The following WWOX variants were observed in gnomAD, a reference collection of about 807,000 sequenced individuals.
WWOX encodes WW domain containing oxidoreductase, also known as WW domain-containing oxidoreductase.
A neutral mutation model predicts 46.2 loss-of-function variants in WWOX; 69 were observed. That is an observed-to-expected ratio of 1.49 (90% CI 1.23 to 1.82). The LOEUF (loss-of-function observed/expected upper bound fraction) is 1.82, where lower values mean the gene tolerates loss of function less well. Ranked by LOEUF, WWOX falls within the 40% of genes most tolerant of loss-of-function variation. WWOX has a pLI of 0.00. For synonymous variants in WWOX, 359 were observed against 202.6 expected (o/e 1.77, Z -6.56); for missense variants, 919 against 542.6 (o/e 1.69, Z -6.89).
rs531037717 is a variant in WWOX, at chr16:78,374,123, A to C, written c.517-12737A>C. 5.3e-5 allele frequency among the ~76,000 whole-genome samples: 8 copies of C among 152,248 alleles called. No individual in the cohort carries two copies. The East Asian group carries it at 1.5e-3, about 29-fold the overall frequency. ...TTTGGAATTGATAGAATTTCTTTTT[A>C]TCTGAGTTACTCCATACATCATTTT... On this transcript the variant is annotated intron_variant, in intron 5 of 8. Transcript: ENST00000566780.
intron 5 of WWOX, among the ~76,000 whole-genome samples, chr16:78,311,079 G>T (rs1405898828): frequency 1.3e-5 from 2 of 152,176 alleles, no homozygotes; most frequent in Non-Finnish European, 2.9e-5. Flanking sequence ...GAAGCTATGG[G>T]GTACAGATGT....
chr16:79,126,779 T>G (rs2150687036), intron 8 of WWOX, among the ~76,000 whole-genome samples: 1 of 152,216 alleles, frequency 6.6e-6, no homozygotes, highest in Admixed American at 6.5e-5. Context: ...CCAGCCTACA[T>G]AAATTTAGAC....
At chr16:78,364,007 A>C (rs560677397) in intron 5 of WWOX, among the ~76,000 whole-genome samples, 2 of 152,314 alleles carry the variant, frequency 1.3e-5, no homozygotes, top group African/African-American at 2.4e-5. Flanking sequence ...AAAACAATTT[A>C]ATAAATGCTT....
chr16:78,787,616 A>G (rs146618866), intron 8 of WWOX, among the ~76,000 whole-genome samples: 104 of 152,290 alleles, frequency 6.8e-4, no homozygotes, highest in South Asian at 1.7e-3. Flanking sequence ...TTATGCTGCT[A>G]TGATCATACA....
At chr16:78,120,703 G>T (rs1052842212) in intron 4 of WWOX, among the ~76,000 whole-genome samples, 2 of 152,118 alleles carry the variant, frequency 1.3e-5, no homozygotes, top group African/African-American at 2.4e-5. Flanking sequence ...TAAATCATGT[G>T]TTGAAATTAC....
chr16:78,933,011 C>T (rs1397956479), intron 8 of WWOX, among the ~76,000 whole-genome samples: 1 of 152,230 alleles, frequency 6.6e-6, no homozygotes, highest in Non-Finnish European at 1.5e-5. Flanking sequence ...GAATTAGACT[C>T]ACCCAGACTC....
At chr16:78,502,861 C>A (rs1170051056) in intron 8 of WWOX, among the ~76,000 whole-genome samples, 2 of 152,146 alleles carry the variant, frequency 1.3e-5, no homozygotes, top group African/African-American at 4.8e-5. Context: ...AATGGCTGAG[C>A]TCCTCCTTAG....
chr16:78,857,720 A>G (rs1467445844), intron 8 of WWOX, among the ~76,000 whole-genome samples: 5 of 152,240 alleles, frequency 3.3e-5, no homozygotes, highest in Admixed American at 1.3e-4. Context: ...TAGTAGTAAC[A>G]TTATAATAAA....
chr16:79,177,686 A>G (rs1265275451), intron 8 of WWOX, among the ~76,000 whole-genome samples: 1 of 152,180 alleles, frequency 6.6e-6, no homozygotes, highest in Non-Finnish European at 1.5e-5. Context: ...CTTGGCACTT[A>G]CATTTGAGCC....
chr16:78,949,933 A>G (rs142540560), intron 8 of WWOX, among the ~76,000 whole-genome samples: 286 of 152,276 alleles, frequency 1.9e-3, no homozygotes, highest in African/African-American at 6.4e-3. Context: ...TATTCCAGGT[A>G]AAGGATATGT....
chr16:78,372,149 G>T (rs534224684), intron 5 of WWOX, among the ~76,000 whole-genome samples: 1 of 152,182 alleles, frequency 6.6e-6, no homozygotes, highest in African/African-American at 2.4e-5. Flanking sequence ...TGAACAGCTG[G>T]TAGTCTCCAT....
intron 8 of WWOX, among the ~76,000 whole-genome samples, chr16:78,673,319 T>C (rs533194341): frequency 1.3e-5 from 2 of 152,224 alleles, no homozygotes; most frequent in African/African-American, 4.8e-5. Flanking sequence ...CCCAGTCTCT[T>C]TCTCTGAGTA....
intron 8 of WWOX, among the ~76,000 whole-genome samples, chr16:78,950,808 G>A (rs899612003): frequency 3.3e-5 from 5 of 152,134 alleles, no homozygotes; most frequent in Non-Finnish European, 4.4e-5. Flanking sequence ...CTTGAAGGTT[G>A]GCACCTTTGG....
intron 8 of WWOX, among the ~76,000 whole-genome samples, chr16:78,909,654 T>A (rs1189686167): frequency 6.6e-6 from 1 of 152,220 alleles, no homozygotes; most frequent in Non-Finnish European, 1.5e-5. Context: ...TTTCATTCCC[T>A]GACCTCTGTG....
chr16:78,502,404 A>G (rs1158012673), intron 8 of WWOX, among the ~76,000 whole-genome samples: 2 of 152,146 alleles, frequency 1.3e-5, no homozygotes, highest in Admixed American at 6.5e-5. Context: ...GGATTTACCT[A>G]TTCTGCGTAC....
intron 8 of WWOX, among the ~76,000 whole-genome samples, chr16:78,843,350 C>T (rs2052211255): frequency 6.7e-6 from 1 of 150,142 alleles, no homozygotes; most frequent in African/African-American, 2.4e-5. Context: ...CCATGTCCAA[C>T]CCAATCTGGA....
intron 8 of WWOX, among the ~76,000 whole-genome samples, chr16:78,995,689 G>A (rs1330360191): frequency 6.6e-6 from 1 of 152,150 alleles, no homozygotes; most frequent in Non-Finnish European, 1.5e-5. Context: ...TTGATTCTCA[G>A]GACTGGTAAA....
At chr16:79,015,708 A>G (rs755364199) in intron 8 of WWOX, among the ~76,000 whole-genome samples, 1 of 152,040 alleles carries the variant, frequency 6.6e-6, no homozygotes, top group African/African-American at 2.4e-5. Context: ...ATCTTTTCCA[A>G]AATGGGCTGT....
At chr16:78,802,686 C>T (rs867103937) in intron 8 of WWOX, among the ~76,000 whole-genome samples, 1 of 151,658 alleles carries the variant, frequency 6.6e-6, no homozygotes, top group Non-Finnish European at 1.5e-5. Flanking sequence ...GAGGCCAAGG[C>T]AGGCAGATTA....
Sources: allele counts gnomAD v4.1 joint callset (sites outside exome capture counted in the v4.1 genomes callset), GRCh38; gene constraint gnomAD v4.1.1; transcripts MANE v1.5; gene names NCBI Gene and HGNC (gene_info 2026-07-23, HGNC 2026-07-21).